The following PDE4D variants were observed in gnomAD, a reference collection of about 807,000 sequenced individuals.
PDE4D encodes the protein phosphodiesterase 4D, also known as 3',5'-cyclic-AMP phosphodiesterase 4D.
In PDE4D, 24 loss-of-function variants were observed where a neutral mutation model predicts 87.4. The observed-to-expected ratio is 0.27, with a 90% CI of 0.20 to 0.39. PDE4D has a LOEUF of 0.39. Ranked by LOEUF, PDE4D falls within the 10% of genes least tolerant of loss-of-function variation. The pLI is 1.00. For synonymous variants in PDE4D, 384 were observed against 383.2 expected (o/e 1.00, Z -0.02); for missense variants, 714 against 1,041.0 (o/e 0.69, Z 4.32).
intron 1 of PDE4D, among the ~76,000 whole-genome samples, chr5:60,325,852 A>G (rs574439973): frequency 1.3e-5 from 2 of 152,082 alleles, no homozygotes; most frequent in African/African-American, 4.8e-5. Flanking sequence ...ACTAATCTAC[A>G]CTAATCTGTT....
In PDE4D at chr5:59,137,636, C is replaced by G. The variant is rs533767517; in HGVS notation, c.808+42959G>C. ...CCGCCTCCCGGGTTCACGCCATTCTCCTGCCTCAGCCTCCCTAGTAGCTGG... is the reference window on the plus strand; with the variant it reads ...CCGCCTCCCGGGTTCACGCCATTCTGCTGCCTCAGCCTCCCTAGTAGCTGG... On this transcript the variant is annotated intron_variant, in intron 5 of 14. Transcript: ENST00000340635. 1.3e-3 allele frequency among the ~76,000 whole-genome samples: 192 copies of G among 151,962 alleles called. 1 individual carries two copies. The highest frequency in any genetic ancestry group is 4.4e-3 in the African/African-American group (182 of 41,474).
intron 2 of PDE4D, among the ~76,000 whole-genome samples, chr5:59,206,871 A>G (rs1054825240): frequency 9.2e-5 from 14 of 152,168 alleles, no homozygotes; most frequent in African/African-American, 2.9e-4. Context: ...GCCTGCCACC[A>G]TATGCCCCAC....
chr5:60,024,034 C>G (rs1203046965), intron 2 of PDE4D, among the ~76,000 whole-genome samples: 1 of 152,054 alleles, frequency 6.6e-6, no homozygotes, highest in Admixed American at 6.6e-5. Flanking sequence ...TTTTAATATT[C>G]ACTATTTTAG....
At chr5:60,064,382 G>C (rs1164245393) in intron 2 of PDE4D, among the ~76,000 whole-genome samples, 1 of 152,036 alleles carries the variant, frequency 6.6e-6, no homozygotes, top group Non-Finnish European at 1.5e-5. Flanking sequence ...CTAGTAAGGA[G>C]AACACCCAGT....
At chr5:59,875,066 A>C (rs1342263711) in intron 1 of PDE4D, among the ~76,000 whole-genome samples, 1 of 152,182 alleles carries the variant, frequency 6.6e-6, no homozygotes, top group Non-Finnish European at 1.5e-5. Flanking sequence ...CACTTATAAT[A>C]TCTACAGATT....
chr5:59,058,315 A>G (rs1167058559), intron 5 of PDE4D, among the ~76,000 whole-genome samples: 1 of 152,188 alleles, frequency 6.6e-6, no homozygotes, highest in Non-Finnish European at 1.5e-5. Flanking sequence ...CTTTTGTTCC[A>G]GGGGAGAGAA....
At chr5:59,602,556 T>C (rs564966298) in intron 1 of PDE4D, among the ~76,000 whole-genome samples, 1 of 152,044 alleles carries the variant, frequency 6.6e-6, no homozygotes, top group Non-Finnish European at 1.5e-5. Context: ...CAAAGATAGT[T>C]CGTGTTCATA....
intron 1 of PDE4D, among the ~76,000 whole-genome samples, chr5:59,789,724 G>A (rs571446947): frequency 6.6e-6 from 1 of 152,228 alleles, no homozygotes; most frequent in Non-Finnish European, 1.5e-5. Flanking sequence ...GTCTCTGAAG[G>A]TCTTCATATT....
chr5:59,151,713 T>C (rs746718075), intron 5 of PDE4D, among the ~76,000 whole-genome samples: 21 of 152,056 alleles, frequency 1.4e-4, no homozygotes, highest in Non-Finnish European at 2.6e-4. Flanking sequence ...GGGAGAGAGA[T>C]GGTGCGAAAG....
chr5:60,154,033 A>G lies in PDE4D; in HGVS notation c.42+31524T>C, dbSNP rs193295164. Among the ~76,000 whole-genome samples, 878 of 152,310 alleles carry G rather than the reference A, an allele frequency of 5.8e-3. 6 individuals are homozygous for G. Among genetic ancestry groups the G allele is most frequent in the African/African-American group, 0.02 (850 of 41,574 alleles). On this transcript the variant is annotated intron_variant, in intron 2 of 16. Coordinates refer to the PDE4D transcript ENST00000502484. ...TTAAATGTTCTTACCATAATAAAAA[A>G]ACAAGCAAAAGCATTACAGCAGGTC...
chr5:59,562,944 T>C (rs1375223515), intron 1 of PDE4D, among the ~76,000 whole-genome samples: 1 of 152,218 alleles, frequency 6.6e-6, no homozygotes, highest in Admixed American at 6.5e-5. Flanking sequence ...AAATCAGAGA[T>C]AGTGACTAGC....
intron 1 of PDE4D, among the ~76,000 whole-genome samples, chr5:59,641,448 G>T (rs1169726994): frequency 6.6e-6 from 1 of 152,130 alleles, no homozygotes. Flanking sequence ...CACATATTCT[G>T]GAAAGGGAGA....
rs140954759 is a variant in PDE4D, at chr5:59,152,133, C to T, written c.808+28462G>A. Among the ~76,000 whole-genome samples, 121 of 152,238 alleles carry T rather than the reference C, an allele frequency of 7.9e-4. No homozygotes were observed. In the East Asian group the frequency reaches 0.021, roughly 26 times the overall value. ...CCAGAATAATGACCATGGGACATAT[C>T]CCTAAATTCTCTGAGCCTCAGTTTC... On this transcript the variant is annotated intron_variant, in intron 5 of 14. Transcript: ENST00000340635.
At chr5:59,219,579 A>G (rs985974292) in intron 1 of PDE4D, among the ~76,000 whole-genome samples, 1 of 152,140 alleles carries the variant, frequency 6.6e-6, no homozygotes, top group Non-Finnish European at 1.5e-5. Context: ...ATTACATCCT[A>G]TGTCCTTAGA....
chr5:60,222,442 C>A (rs763072442), intron 1 of PDE4D, among the ~76,000 whole-genome samples: 1 of 152,056 alleles, frequency 6.6e-6, no homozygotes, highest in Non-Finnish European at 1.5e-5. Flanking sequence ...TGAAATGATA[C>A]GTGTTTATTC....
intron 1 of PDE4D, among the ~76,000 whole-genome samples, chr5:59,570,132 C>A (rs771738353): frequency 1.3e-5 from 2 of 152,164 alleles, no homozygotes; most frequent in Admixed American, 1.3e-4. Flanking sequence ...ATGACACAGT[C>A]AGTGGCGCCC....
intron 1 of PDE4D, among the ~76,000 whole-genome samples, chr5:59,620,913 T>C (rs1830273426): frequency 6.6e-6 from 1 of 152,146 alleles, no homozygotes; most frequent in African/African-American, 2.4e-5. Context: ...CTTAAATATT[T>C]TGTGGTTTAT....
At chr5:59,803,739 A>T (rs1013133325) in intron 1 of PDE4D, among the ~76,000 whole-genome samples, 1 of 152,182 alleles carries the variant, frequency 6.6e-6, no homozygotes, top group Non-Finnish European at 1.5e-5. Context: ...TATCATCAAC[A>T]TTCACTAAAG....
chr5:60,490,257 C>T (rs1749458986), upstream of PDE4D: 1 of 152,146 alleles, frequency 6.6e-6, no homozygotes, highest in Non-Finnish European at 1.5e-5. Context: ...TCATAATAAT[C>T]ATGATAACCT....
Sources: allele counts gnomAD v4.1 joint callset (sites outside exome capture counted in the v4.1 genomes callset), GRCh38; gene constraint gnomAD v4.1.1; transcripts MANE v1.5; gene names NCBI Gene and HGNC (gene_info 2026-07-23, HGNC 2026-07-21).